Variants in CPED1 observed in about 807,000 individuals in gnomAD.
The protein encoded by CPED1 is cadherin-like and PC-esterase domain-containing protein 1.
CPED1 carries 114 observed loss-of-function variants against 128.2 expected under a neutral mutation model. That is an observed-to-expected ratio of 0.89 (90% CI 0.76 to 1.04). The LOEUF (loss-of-function observed/expected upper bound fraction) is 1.04. CPED1 is among the 50% of genes least tolerant of loss of function. The pLI is 0.00. For synonymous variants in CPED1, 462 were observed against 426.7 expected (o/e 1.08, Z -1.02); for missense variants, 1,211 against 1,207.1 (o/e 1.00, Z -0.05).
At chr7:121,029,690 A>G (rs1792681521) in intron 3 of CPED1, among the ~76,000 whole-genome samples, 1 of 152,148 alleles carries the variant, frequency 6.6e-6, no homozygotes, top group South Asian at 2.1e-4. Context: ...TTTGTGTGGT[A>G]CCTGAAATTT....
chr7:120,993,491 C>T (rs1358286076), intron 2 of CPED1, among the ~76,000 whole-genome samples: 1 of 152,178 alleles, frequency 6.6e-6, no homozygotes, highest in African/African-American at 2.4e-5. Flanking sequence ...TCTACTTTCT[C>T]AAGGATCAAA....
At chr7:121,187,805 T>G (rs1280051902) in intron 16 of CPED1, among the ~76,000 whole-genome samples, 2 of 152,126 alleles carry the variant, frequency 1.3e-5, no homozygotes, top group Non-Finnish European at 2.9e-5. Context: ...TTTCAGGCCC[T>G]ATTGCCCACT....
At chr7:121,176,626 A>G (rs1295059279) in intron 16 of CPED1, among the ~76,000 whole-genome samples, 1 of 152,096 alleles carries the variant, frequency 6.6e-6, no homozygotes, top group Non-Finnish European at 1.5e-5. Context: ...CGTCATGACA[A>G]TAGCTCAAAA....
chr7:121,223,948 G>T (rs1162460040), intron 16 of CPED1, among the ~76,000 whole-genome samples: 2 of 149,964 alleles, frequency 1.3e-5, no homozygotes, highest in Non-Finnish European at 3.0e-5. Flanking sequence ...AGGAATTTTT[G>T]TGTCTCTATT....
intron 2 of CPED1, among the ~76,000 whole-genome samples, chr7:121,005,668 CA>C (rs2116777919): frequency 6.6e-6 from 1 of 152,058 alleles, no homozygotes; most frequent in Non-Finnish European, 1.5e-5. Context: ...TAGAAACGAA[CA>C]AACAAAAAAA....
At chr7:121,191,472 T>C (rs1310007793) in intron 16 of CPED1, among the ~76,000 whole-genome samples, 1 of 152,162 alleles carries the variant, frequency 6.6e-6, no homozygotes, top group Non-Finnish European at 1.5e-5. Context: ...TGGGGTTCTT[T>C]CTATGGCTGT....
In CPED1 at chr7:121,212,274, G is replaced by C. The variant is rs761884566; in HGVS notation, c.2056-24440G>C. On this transcript the variant is annotated intron_variant, in intron 16 of 22. Coordinates refer to ENST00000310396, the MANE Select transcript of CPED1 (RefSeq NM_024913.5). The stretch of plus-strand genomic sequence containing the variant: ...ATTGTCTTGTGTATTTTATGGCTAA[G>C]GACTGAATTGCAAGCTAACATTCAC... 1.8e-4 allele frequency among the ~76,000 whole-genome samples: 27 copies of C among 152,126 alleles called. 1 individual carries two copies. The highest frequency in any genetic ancestry group is 6.8e-3 in the Middle Eastern group (2 of 294).
intron 14 of CPED1, among the ~76,000 whole-genome samples, 191 bp downstream of exon 14, chr7:121,136,281 A>AT (rs994577906): frequency 2.6e-5 from 4 of 151,886 alleles, no homozygotes; most frequent in African/African-American, 4.8e-5. Flanking sequence ...AAAATATTAC[A>AT]TTTTTTTTGT....
rs752742828 is a variant in CPED1 at position 121,294,806 on chromosome 7, C to CAAAAAAAAAAAAAAAAAAAAAAAAA, written c.2869-618_2869-617insAAAAAAAAAAAAAAAAAAAAAAAAA. Among the ~76,000 whole-genome samples, 21 of 61,382 alleles carry CAAAAAAAAAAAAAAAAAAAAAAAAA rather than the reference C, an allele frequency of 3.4e-4. No individual in the cohort carries two copies. The South Asian group carries it at 4.0e-3, about 12-fold the overall frequency. The allele number at this position is 61,382 out of a possible 152,430, so 40.3% of individuals were successfully genotyped here. On this transcript the variant is annotated intron_variant, in intron 22 of 22. Transcript: ENST00000310396. ...GATGGAGTTACTTTAGCCTTCTAAGCAAAAAAAAAAAAAAAAGTCTAAAAC... is the reference window on the plus strand; with the variant it reads ...GATGGAGTTACTTTAGCCTTCTAAGCAAAAAAAAAAAAAAAAAAAAAAAAAAAAAAAAAAAAAAAAAGTCTAAAAC...
At chr7:121,103,379 T>C (rs987133732) in intron 7 of CPED1, among the ~76,000 whole-genome samples, 6 of 152,188 alleles carry the variant, frequency 3.9e-5, no homozygotes, top group African/African-American at 1.4e-4. Flanking sequence ...CCTTACTAGT[T>C]CAAAGTTACG....
intron 18 of CPED1, among the ~76,000 whole-genome samples, chr7:121,262,122 G>A (rs1188467637): frequency 6.6e-6 from 1 of 151,886 alleles, no homozygotes; most frequent in Non-Finnish European, 1.5e-5. Context: ...ATTTAAAAGA[G>A]CCTGGCATGT....
intron 5 of CPED1, among the ~76,000 whole-genome samples, chr7:121,096,289 GACTTTT>G (rs1479836388): frequency 1.3e-5 from 2 of 152,150 alleles, no homozygotes; most frequent in African/African-American, 4.8e-5. Flanking sequence ...GACTTCTGCT[GACTTTT>G]ACTTAAGAGT....
At chr7:121,066,347 G>A (rs1250505233) in intron 5 of CPED1, among the ~76,000 whole-genome samples, 2 of 151,930 alleles carry the variant, frequency 1.3e-5, no homozygotes, top group African/African-American at 4.8e-5. Flanking sequence ...ACAAAGTGGG[G>A]TTAAGAATAC....
chr7:121,007,646 T>C (rs1189902185), intron 2 of CPED1, among the ~76,000 whole-genome samples: 1 of 152,232 alleles, frequency 6.6e-6, no homozygotes, highest in East Asian at 1.9e-4. Context: ...TAATAGAAAC[T>C]AGGCTTACAG....
At chr7:121,026,340 C>T (rs368927316) in intron 3 of CPED1, among the ~76,000 whole-genome samples, 11 of 152,088 alleles carry the variant, frequency 7.2e-5, no homozygotes, top group African/African-American at 2.2e-4. Context: ...TGTCACCAAG[C>T]CCTGTAAAAT....
At chr7:121,189,779 TATATATATATATATATATAA>T (rs937146574) in intron 16 of CPED1, among the ~76,000 whole-genome samples, 16 of 80,204 alleles carry the variant, frequency 2.0e-4, no homozygotes, top group East Asian at 7.6e-4. Flanking sequence ...TATATATATA[TATATATATATATATATATAA>T]AATTTGTATT....
chr7:121,013,150 C>T (rs1349594956), intron 2 of CPED1, among the ~76,000 whole-genome samples: 3 of 152,158 alleles, frequency 2.0e-5, no homozygotes, highest in African/African-American at 7.2e-5. Context: ...TGTTTGTTTA[C>T]TTTGGCTTTC....
At chr7:121,205,954 A>C (rs546465251) in intron 16 of CPED1, among the ~76,000 whole-genome samples, 3 of 152,188 alleles carry the variant, frequency 2.0e-5, no homozygotes, top group South Asian at 2.1e-4. Flanking sequence ...AAGGAAGTTC[A>C]TTCCATGGAC....
intron 2 of CPED1, among the ~76,000 whole-genome samples, chr7:121,004,607 G>A (rs1329200165): frequency 6.6e-6 from 1 of 152,148 alleles, no homozygotes; most frequent in Admixed American, 6.5e-5. Context: ...CACAAACTGG[G>A]CAGGATGGAG....
Sources: gnomAD v4.1 joint callset for allele counts (sites outside exome capture counted in the v4.1 genomes callset) on GRCh38, gnomAD v4.1.1 for gene constraint, MANE v1.5 for transcripts, NCBI Gene and HGNC (gene_info 2026-07-23, HGNC 2026-07-21) for gene names.